The following CFAP299 variants were observed in gnomAD, a reference collection of about 807,000 sequenced individuals.
The protein encoded by CFAP299 is cilia- and flagella-associated protein 299.
CFAP299 carries 21 observed loss-of-function variants against 27.0 expected under a neutral mutation model. The ratio of observed to expected loss-of-function variants is 0.78; its 90% CI spans 0.55 to 1.12. The LOEUF (loss-of-function observed/expected upper bound fraction) is 1.12, where lower values mean the gene tolerates loss of function less well. Ranked by LOEUF, CFAP299 falls within the 50% of genes most tolerant of loss-of-function variation. The pLI is 0.00. For missense variants in CFAP299, 310 were observed against 276.6 expected, an observed-to-expected ratio of 1.12 and a Z score of -0.86; for synonymous variants, 104 against 98.1, an observed-to-expected ratio of 1.06 and a Z score of -0.36.
At chr4:80,353,620 A>T (rs1723115796) in intron 1 of CFAP299, among the ~76,000 whole-genome samples, 1 of 152,184 alleles carries the variant, frequency 6.6e-6, no homozygotes, top group African/African-American at 2.4e-5. Context: ...CTGTTCCTGG[A>T]AGCAGTTAGC....
chr4:80,757,738 T>A (rs1171944238), intron 3 of CFAP299, among the ~76,000 whole-genome samples: 1 of 152,138 alleles, frequency 6.6e-6, no homozygotes, highest in Non-Finnish European at 1.5e-5. Context: ...GTTTGGTTTT[T>A]TTTTCATTTA....
At chr4:80,462,176 C>G (rs1729469928) in intron 2 of CFAP299, among the ~76,000 whole-genome samples, 1 of 152,160 alleles carries the variant, frequency 6.6e-6, no homozygotes, top group Admixed American at 6.5e-5. Context: ...TGCGTTTTCT[C>G]TCTTGTATTT....
intron 3 of CFAP299, among the ~76,000 whole-genome samples, chr4:80,756,850 T>C (rs1725265160): frequency 6.6e-6 from 1 of 152,156 alleles, no homozygotes; most frequent in South Asian, 2.1e-4. Context: ...ATTTTAAAGA[T>C]AAAATATTGT....
At chr4:80,864,678 C>T (rs1732615011) in intron 3 of CFAP299, among the ~76,000 whole-genome samples, 1 of 151,398 alleles carries the variant, frequency 6.6e-6, no homozygotes. Context: ...ACTATATACA[C>T]CAGGCAATGG....
chr4:80,332,310 T>C (rs1721971198), upstream of CFAP299, among the ~76,000 whole-genome samples: 1 of 152,202 alleles, frequency 6.6e-6, no homozygotes. Context: ...GGAAAGCCTA[T>C]AGCTAACATT....
At chr4:80,945,033 A>C in intron 5 of CFAP299, 94 bp downstream of exon 5, 1 of 1,214,380 alleles carries the variant, frequency 8.2e-7, no homozygotes, top group Non-Finnish European at 1.2e-6. Flanking sequence ...TGACACTCTT[A>C]AGTTGTTAAA....
At chr4:80,470,609 A>G (rs991541541) in intron 2 of CFAP299, among the ~76,000 whole-genome samples, 3 of 152,162 alleles carry the variant, frequency 2.0e-5, no homozygotes, top group African/African-American at 7.2e-5. Context: ...GGATGTGACA[A>G]TTTTGTCAAT....
chr4:80,585,175 G>A (rs1477995365), intron 3 of CFAP299, among the ~76,000 whole-genome samples: 6 of 152,052 alleles, frequency 3.9e-5, no homozygotes. Context: ...TGCTGTGATA[G>A]GATATAGTTA....
At chr4:80,485,629 A>G (rs1189799605) in intron 2 of CFAP299, among the ~76,000 whole-genome samples, 2 of 152,182 alleles carry the variant, frequency 1.3e-5, no homozygotes, top group African/African-American at 2.4e-5. Flanking sequence ...GTCATACTAT[A>G]TAAATGTTTA....
At chr4:80,712,207 C>T (rs574213830) in intron 3 of CFAP299, among the ~76,000 whole-genome samples, 2 of 152,258 alleles carry the variant, frequency 1.3e-5, no homozygotes, top group East Asian at 3.9e-4. Context: ...TGGTTACTGT[C>T]CAACAGCCAT....
At chr4:80,496,577 T>C (rs1731451551) in intron 2 of CFAP299, among the ~76,000 whole-genome samples, 1 of 152,222 alleles carries the variant, frequency 6.6e-6, no homozygotes, top group Admixed American at 6.5e-5. Context: ...CTGATCTTCC[T>C]AGCTTCTGAG....
chr4:80,812,572 A>G (rs7669937), intron 3 of CFAP299, among the ~76,000 whole-genome samples: 59,069 of 151,932 alleles, frequency 0.39, 15,477 homozygotes, highest in African/African-American at 0.75. Context: ...CATCTCCAAG[A>G]TACTACATAG....
At chr4:80,614,359 A>ATATT (rs745367130) in intron 3 of CFAP299, among the ~76,000 whole-genome samples, 58 of 152,330 alleles carry the variant, frequency 3.8e-4, no homozygotes, top group Non-Finnish European at 5.9e-4. Flanking sequence ...CCATAGCTGT[A>ATATT]TATTTAATGG....
chr4:80,529,615 TAGCAAG>T (rs1733366749), intron 2 of CFAP299, among the ~76,000 whole-genome samples: 1 of 152,216 alleles, frequency 6.6e-6, no homozygotes, highest in Non-Finnish European at 1.5e-5. Flanking sequence ...TCCTGAAATT[TAGCAAG>T]AGTTATTTCA....
At chr4:80,878,780 C>T (rs1733544719) in intron 4 of CFAP299, among the ~76,000 whole-genome samples, 1 of 152,018 alleles carries the variant, frequency 6.6e-6, no homozygotes, top group Non-Finnish European at 1.5e-5. Context: ...GTGGAGCTTG[C>T]AGGAATTGTA....
At chr4:80,882,746 A>C (rs1385002798) in intron 4 of CFAP299, among the ~76,000 whole-genome samples, 1 of 152,204 alleles carries the variant, frequency 6.6e-6, no homozygotes, top group Non-Finnish European at 1.5e-5. Flanking sequence ...TTTGTAGCAC[A>C]GAAGAAAATG....
At chr4:80,620,881 AG>A (rs1211703630) in intron 3 of CFAP299, among the ~76,000 whole-genome samples, 1 of 152,108 alleles carries the variant, frequency 6.6e-6, no homozygotes, top group African/African-American at 2.4e-5. Flanking sequence ...TGCCTTTTGA[AG>A]TTGGTTTATG....
chr4:80,959,510 G>GA (rs199771701), intron 5 of CFAP299, among the ~76,000 whole-genome samples: 9 of 151,006 alleles, frequency 6.0e-5, no homozygotes, highest in African/African-American at 1.7e-4. Context: ...AAAGGGCAAT[G>GA]AAAAAAAAAT....
In CFAP299 at chr4:80,441,420, A is replaced by T. The variant is rs149078992; in HGVS notation, c.242+78536A>T. On this transcript the variant is annotated intron_variant, in intron 2 of 5. Transcript: ENST00000358105. The stretch of plus-strand genomic sequence containing the variant: ...AACATTCAACATTCTTAAAGAAAAG[A>T]GTTTTCAACCCAGAATTGCATATCC... Among the ~76,000 whole-genome samples the T allele has an allele frequency of 5.1e-3, 770 of 152,338 alleles. 4 individuals are homozygous for T. The highest frequency in any genetic ancestry group is 8.2e-3 in the Non-Finnish European group (561 of 68,038).
Sources: gnomAD v4.1 joint callset for allele counts (sites outside exome capture counted in the v4.1 genomes callset) on GRCh38, gnomAD v4.1.1 for gene constraint, MANE v1.5 for transcripts, NCBI Gene and HGNC (gene_info 2026-07-23, HGNC 2026-07-21) for gene names.